Variants in MB21D2 observed in about 807,000 individuals in gnomAD.
MB21D2 encodes the protein Mab-21 domain containing 2, also known as nucleotidyltransferase MB21D2.
In MB21D2, 9 loss-of-function variants were observed where a neutral mutation model predicts 33.3. The ratio of observed to expected loss-of-function variants is 0.27; its 90% CI spans 0.16 to 0.47. The LOEUF (loss-of-function observed/expected upper bound fraction) is 0.47. Among genes scored for constraint, MB21D2 ranks in the 20% least tolerant of loss-of-function variants. The pLI is 0.99. For missense variants in MB21D2, 540 were observed against 624.6 expected (o/e 0.86, Z 1.44); for synonymous variants, 241 against 236.3 (o/e 1.02, Z -0.18).
chr3:192,835,775 C>T (rs370211540), intron 1 of MB21D2, among the ~76,000 whole-genome samples: 22 of 151,714 alleles, frequency 1.5e-4, no homozygotes, highest in African/African-American at 5.1e-4. Flanking sequence ...ATTTACTAGC[C>T]TTGATCCTAG....
chr3:192,880,507 C>T (rs1477666294), intron 1 of MB21D2, among the ~76,000 whole-genome samples: 4 of 151,994 alleles, frequency 2.6e-5, no homozygotes, highest in Admixed American at 1.3e-4. Flanking sequence ...CCCACCAAAG[C>T]CTCAACGGGG....
chr3:192,897,456 G>C (rs1577200267), intron 1 of MB21D2, among the ~76,000 whole-genome samples: 2 of 152,264 alleles, frequency 1.3e-5, no homozygotes, highest in East Asian at 3.9e-4. Flanking sequence ...AGAGATTAGT[G>C]AGGACTGTGA....
intron 1 of MB21D2, among the ~76,000 whole-genome samples, chr3:192,909,013 T>C (rs906213852): frequency 3.3e-5 from 5 of 151,808 alleles, no homozygotes; most frequent in Non-Finnish European, 7.4e-5. Context: ...CCCAGCACTT[T>C]GGGAGGCCAA....
intron 1 of MB21D2, among the ~76,000 whole-genome samples, chr3:192,866,185 C>T (rs1013381643): frequency 1.3e-5 from 2 of 152,126 alleles, no homozygotes; most frequent in African/African-American, 2.4e-5. Context: ...TTATTTCAAG[C>T]TAATTGTTCA....
intron 1 of MB21D2, among the ~76,000 whole-genome samples, chr3:192,878,319 T>G (rs1713485835): frequency 6.6e-6 from 1 of 152,110 alleles, no homozygotes; most frequent in Non-Finnish European, 1.5e-5. Context: ...CCAGGCAAAT[T>G]CAGTGGCAGG....
Position 192,798,488 on chromosome 3 carries a change from C to T in MB21D2, c.1374G>A (p.Leu458=), listed in dbSNP as rs2108606900. ...CCGGGTTCTCAGTCACTAGCTGCTG[C>T]AGTTTTTTTGCCAAACGGTCATCAG... ...NQPDDRLAKK[L]QQLVTENPGK... The change falls in exon 2 of 2, where the codon CTG becomes CTA. Residue 458 remains leucine (L), a synonymous_variant. Transcript: ENST00000392452. This position sits in a 1 kb window ranked among gnomAD's most constrained non-coding sequence, Gnocchi z 4.8. 1 of 1,614,194 alleles carries T rather than the reference C, an allele frequency of 6.2e-7. No homozygotes were observed. The highest frequency in any genetic ancestry group is 8.5e-7 in the Non-Finnish European group (1 of 1,180,028).
intron 1 of MB21D2, among the ~76,000 whole-genome samples, chr3:192,800,940 G>A (rs910933239): frequency 6.6e-6 from 1 of 152,136 alleles, no homozygotes; most frequent in Non-Finnish European, 1.5e-5. Context: ...AGAAAACTCC[G>A]CACCATGAGC....
intron 1 of MB21D2, among the ~76,000 whole-genome samples, chr3:192,843,547 G>C (rs975851407): frequency 6.6e-6 from 1 of 152,042 alleles, no homozygotes; most frequent in East Asian, 1.9e-4. Flanking sequence ...CATGAAAGTT[G>C]GACATGATAA....
intron 1 of MB21D2, among the ~76,000 whole-genome samples, chr3:192,848,261 A>G (rs906185113): frequency 7.9e-5 from 12 of 152,230 alleles, no homozygotes; most frequent in African/African-American, 2.7e-4. Context: ...CTGCTTTTTA[A>G]TTCATTCACC....
intron 1 of MB21D2, among the ~76,000 whole-genome samples, chr3:192,822,318 C>T (rs1200084734): frequency 6.6e-6 from 1 of 152,176 alleles, no homozygotes; most frequent in Non-Finnish European, 1.5e-5. Flanking sequence ...ACTTCAATTA[C>T]TGGTTTCTCC....
At position 192,798,674 on chromosome 3, in the gene MB21D2, G is replaced by A. The variant is rs371272883; in HGVS notation, c.1188C>T (p.His396=). The A allele has an allele frequency of 1.4e-5, 22 of 1,613,224 alleles. No homozygotes were observed. The highest frequency in any genetic ancestry group is 1.6e-4 in the Middle Eastern group (1 of 6,084). The change falls in exon 2 of 2, where the codon CAC becomes CAT. Residue 396 remains histidine, a synonymous_variant. Coordinates refer to ENST00000392452, the MANE Select transcript of MB21D2 (RefSeq NM_178496.4). This position sits in a 1 kb window ranked among gnomAD's most constrained non-coding sequence, Gnocchi z 4.8. ...EHLSEETVML[H]ARKLSSVRSD... The stretch of plus-strand genomic sequence containing the variant: ...AGCGCACAGAGGACAGCTTCCGGGC[G>A]TGAAGCATGACTGTCTCCTCAGACA...
At position 192,798,719 on chromosome 3, in the gene MB21D2, C is replaced by G. The variant is rs1720579518; in HGVS notation, c.1143G>C (p.Gln381His). 4 of 1,613,290 alleles carry G rather than the reference C, an allele frequency of 2.5e-6. No individual in the cohort carries two copies. In the Admixed American group the frequency reaches 6.7e-5, roughly 27 times the overall value. Residue 381 changes from glutamine to histidine, a missense_variant, in exon 2 of 2, where the codon CAG (glutamine) becomes CAC (histidine). Gln to His is a conservative substitution (Grantham distance 24). Transcript: ENST00000392452. The surrounding 1 kb of genome is among the most constrained non-coding windows in gnomAD (Gnocchi z 4.8). ...CAGACAGATGTTCCAGCATGTTGCA[C>G]TGAGGGATGAAATAATTGGGGCACA... Reference protein sequence around the residue: ...NKMCPNYFIPQCNMLEHLSEE... With the variant: ...NKMCPNYFIPHCNMLEHLSEE...
At chr3:192,844,921 G>A (rs553541891) in intron 1 of MB21D2, among the ~76,000 whole-genome samples, 7 of 152,310 alleles carry the variant, frequency 4.6e-5, no homozygotes, top group African/African-American at 1.7e-4. Flanking sequence ...GCGGTTGGCA[G>A]CCTCTTTCTC....
intron 1 of MB21D2, among the ~76,000 whole-genome samples, chr3:192,866,260 A>G (rs1713164824): frequency 6.6e-6 from 1 of 152,206 alleles, no homozygotes; most frequent in Non-Finnish European, 1.5e-5. Flanking sequence ...CTTTAAATAT[A>G]TACTAAAATT....
At chr3:192,825,108 T>C (rs1322808392) in intron 1 of MB21D2, among the ~76,000 whole-genome samples, 2 of 152,178 alleles carry the variant, frequency 1.3e-5, no homozygotes, top group Non-Finnish European at 2.9e-5. Flanking sequence ...GAAAGCCAGC[T>C]CTCGAGAATC....
intron 1 of MB21D2, among the ~76,000 whole-genome samples, chr3:192,824,279 T>G (rs959678939): frequency 1.3e-5 from 2 of 152,128 alleles, no homozygotes; most frequent in Non-Finnish European, 2.9e-5. Context: ...GGAGATGTAA[T>G]AAGACCTCAA....
intron 1 of MB21D2, among the ~76,000 whole-genome samples, chr3:192,803,948 T>TC (rs1314678833): frequency 6.6e-6 from 1 of 152,098 alleles, no homozygotes; most frequent in African/African-American, 2.4e-5. Flanking sequence ...CTTGGGTGGG[T>TC]CTCTTCTTTT....
In MB21D2 at chr3:192,900,807, G is replaced by A. The variant is rs553057968; in HGVS notation, c.211+16823C>T. Among the ~76,000 whole-genome samples the A allele has an allele frequency of 4.5e-3, 685 of 152,182 alleles. 6 individuals carry two copies. The highest frequency in any genetic ancestry group is 0.016 in the African/African-American group (653 of 41,520). On this transcript the variant is annotated intron_variant, in intron 1 of 1. Transcript: ENST00000392452. ...AATACAAAAATTAGCCAGGTATGGCGGCGCCCGCCTGTAGTCCCACCTACT... is the reference window on the plus strand; with the variant it reads ...AATACAAAAATTAGCCAGGTATGGCAGCGCCCGCCTGTAGTCCCACCTACT...
intron 1 of MB21D2, among the ~76,000 whole-genome samples, chr3:192,801,521 G>A (rs1027478644): frequency 6.6e-6 from 1 of 152,202 alleles, no homozygotes; most frequent in Non-Finnish European, 1.5e-5. Flanking sequence ...GCTGGGGCCT[G>A]TGGTAGGTGA....
Sources: gnomAD v4.1 joint callset for allele counts (sites outside exome capture counted in the v4.1 genomes callset) on GRCh38, gnomAD v4.1.1 for gene constraint, Gnocchi (gnomAD v3.1) non-coding constraint, MANE v1.5 for transcripts, NCBI Gene and HGNC (gene_info 2026-07-23, HGNC 2026-07-21) for gene names.